The following NETO1 variants were observed in gnomAD, a reference collection of about 807,000 sequenced individuals.
NETO1 encodes the protein neuropilin and tolloid-like protein 1.
Under a neutral mutation model 61.3 loss-of-function variants are expected in NETO1, and 26 were observed. That is an observed-to-expected ratio of 0.42 (90% CI 0.31 to 0.59). The LOEUF is 0.59. NETO1 is among the 20% of genes least tolerant of loss of function. NETO1 has a pLI of 0.12. For synonymous variants in NETO1, 225 were observed against 225.8 expected (o/e 1.00, Z 0.03); for missense variants, 531 against 662.8 (o/e 0.80, Z 2.18).
intron 7 of NETO1, among the ~76,000 whole-genome samples, chr18:72,762,762 T>G (rs9636082): frequency 0.3 from 45,186 of 151,998 alleles, 7,886 homozygotes; most frequent in South Asian, 0.41. Flanking sequence ...AGCTTTTGAC[T>G]CCCTCATGGG....
At position 72,750,414 on chromosome 18, in the gene NETO1, T is replaced by C. The variant is rs199558464; in HGVS notation, c.1189A>G (p.Thr397Ala). ...VFEPPHYELC[T>A]LRGTGATADF... ...GCTGTAGCTCCTGTCCCTCTGAGAG[T>C]GCATAACTCATAATGAGGAGGTTCA... Residue 397 changes from threonine to alanine, a missense_variant, in exon 9 of 11, where the codon ACT becomes GCT. By Grantham distance (58) the Thr-to-Ala change is moderately conservative. Coordinates refer to ENST00000327305, the MANE Select transcript of NETO1 (RefSeq NM_138966.5). 28 of 1,613,928 alleles carry C rather than the reference T, an allele frequency of 1.7e-5. No homozygotes were observed. The highest frequency in any genetic ancestry group is 5.9e-6 in the Non-Finnish European group (7 of 1,179,994).
chr18:72,750,232 C>T lies in NETO1; in HGVS notation c.1371G>A (p.Glu457=), dbSNP rs759617865. 11 of 1,613,936 alleles carry T rather than the reference C, an allele frequency of 6.8e-6. No homozygotes were observed. The highest frequency in any genetic ancestry group is 1.7e-5 in the Admixed American group (1 of 59,972). The change falls in exon 9 of 11, where the codon GAG becomes GAA. Residue 457 remains glutamate, a synonymous_variant. Transcript: ENST00000327305. ...LSTRDASILT[E]MPTQPGKPLI... is the part of the protein sequence containing the mutation. ...GGGGTTTTCCTGGCTGTGTGGGCAT[C>T]TCTGTCAAGATAGAAGCATCTCTTG...
rs1468184280 is a variant in NETO1, at chr18:72,830,622, G to C, written c.469+28204C>G. ...TGTGGAGGTAGGATGTGGTGGGGAG[G>C]GGATGGATTTCTCCAGGTTACAGGC... On this transcript the variant is annotated intron_variant, in intron 4 of 10. Coordinates refer to ENST00000327305, the MANE Select transcript of NETO1 (RefSeq NM_138966.5). This position sits in a 1 kb window ranked among gnomAD's most constrained non-coding sequence, Gnocchi z 4.9. 6.6e-6 allele frequency among the ~76,000 whole-genome samples: 1 copy of C among 152,108 alleles called. No homozygotes were observed. Among genetic ancestry groups the C allele is most frequent in the Admixed American group, 6.5e-5 (1 of 15,268 alleles).
intron 7 of NETO1, among the ~76,000 whole-genome samples, chr18:72,759,019 C>G (rs1407834601): frequency 6.6e-6 from 1 of 152,148 alleles, no homozygotes; most frequent in Non-Finnish European, 1.5e-5. Flanking sequence ...CAATGATGCA[C>G]TAAAGACTCT....
At chr18:72,799,517 C>T (rs530447347) in intron 4 of NETO1, among the ~76,000 whole-genome samples, 1 of 152,292 alleles carries the variant, frequency 6.6e-6, no homozygotes, top group South Asian at 2.1e-4. Flanking sequence ...CATGACTGGA[C>T]GGCTTTCTTG....
chr18:72,849,071 T>G (rs1175955299), intron 4 of NETO1, among the ~76,000 whole-genome samples: 1 of 152,252 alleles, frequency 6.6e-6, no homozygotes, highest in Non-Finnish European at 1.5e-5. Context: ...TTTGTGAGAC[T>G]GAATTCTCTG....
intron 6 of NETO1, among the ~76,000 whole-genome samples, chr18:72,792,605 A>C (rs2072160677): frequency 1.3e-5 from 2 of 151,432 alleles, no homozygotes; most frequent in Non-Finnish European, 2.9e-5. Context: ...TTCTGCTTGC[A>C]GTGTTGACTC....
In NETO1 at chr18:72,867,255, G is replaced by A. The variant is rs759842013; in HGVS notation, c.28+9C>T. Reference sequence around the variant, plus strand: ...GGGAGCGCACGGGCGCGGCGGGGAGGGTACTCACTGTGAAGCACGCTGCGC... The same window carrying A: ...GGGAGCGCACGGGCGCGGCGGGGAGAGTACTCACTGTGAAGCACGCTGCGC... On this transcript the variant is annotated intron_variant, in intron 1 of 10. Coordinates refer to ENST00000327305, the MANE Select transcript of NETO1 (RefSeq NM_138966.5). 1.6e-5 allele frequency: 25 copies of A among 1,550,398 alleles called. No homozygotes were observed. The Admixed American group carries it at 3.4e-4, about 21-fold the overall frequency.
intron 4 of NETO1, among the ~76,000 whole-genome samples, chr18:72,836,790 G>A (rs1192662275): frequency 4.6e-5 from 7 of 152,174 alleles, no homozygotes; most frequent in Non-Finnish European, 8.8e-5. Context: ...TTAATCCGGG[G>A]ATGGATACAA....
At chr18:72,772,593 CA>C (rs2071386779) in intron 7 of NETO1, among the ~76,000 whole-genome samples, 1 of 151,574 alleles carries the variant, frequency 6.6e-6, no homozygotes, top group Non-Finnish European at 1.5e-5. Context: ...GTAATGAATT[CA>C]TAACAGTTCT....
At chr18:72,753,034 C>T (rs1239618170) in intron 8 of NETO1, among the ~76,000 whole-genome samples, 1 of 151,792 alleles carries the variant, frequency 6.6e-6, no homozygotes, top group African/African-American at 2.4e-5. Context: ...AATCAACAAG[C>T]ACACTAACAT....
chr18:72,859,211 C>A, intron 3 of NETO1, 137 bp from the exon 4 acceptor site: 1 of 839,056 alleles, frequency 1.2e-6, no homozygotes, highest in Non-Finnish European at 1.8e-6. Flanking sequence ...ATAAAGAAAG[C>A]ATATGATACT....
rs940514826 is a variant in NETO1, at chr18:72,753,270, A to AT, written c.983-2651_983-2650insA. Among the ~76,000 whole-genome samples, 250 of 152,152 alleles carry AT rather than the reference A, an allele frequency of 1.6e-3. 1 individual carries two copies. Among genetic ancestry groups the AT allele is most frequent in the African/African-American group, 5.7e-3 (236 of 41,550 alleles). ...ACACCTTGAAAGCAACAGAGGAAAA[A>AT]AAAAACTCATCATAGAAAGGAGCCT... On this transcript the variant is annotated intron_variant, in intron 8 of 10. Transcript: ENST00000327305.
At chr18:72,844,287 T>C (rs1415573024) in intron 4 of NETO1, among the ~76,000 whole-genome samples, 1 of 152,220 alleles carries the variant, frequency 6.6e-6, no homozygotes, top group Non-Finnish European at 1.5e-5. Flanking sequence ...AGATTGCTTC[T>C]AACACTTTCT....
rs759491956 is a variant in NETO1 at position 72,858,935 on chromosome 18, T to C, written c.360A>G (p.Gln120=). 3 of 1,613,862 alleles carry C rather than the reference T, an allele frequency of 1.9e-6. No individual in the cohort carries two copies. Among genetic ancestry groups the C allele is most frequent in the African/African-American group, 1.3e-5 (1 of 74,912 alleles). ...TGGATTTTATGACAGGTGGATTTTG[T>C]TGTCCACAGAAACGTCCAATTATTG... ...FSPIIGRFCG[Q]QNPPVIKSSG... The change falls in exon 4 of 11, where the codon CAA becomes CAG. Residue 120 remains glutamine, a synonymous_variant. Transcript: ENST00000327305.
rs79803324 is a variant in NETO1 at position 72,812,195 on chromosome 18, A to G, written c.470-17791T>C. On this transcript the variant is annotated intron_variant, in intron 4 of 10. Coordinates refer to ENST00000327305, the MANE Select transcript of NETO1 (RefSeq NM_138966.5). ...AGGCAGGAGAAAACGGAAGTTCACG[A>G]AAGATTATAAAGTGACTCAAAGGCA... Among the ~76,000 whole-genome samples the G allele has an allele frequency of 8.4e-3, 1,275 of 152,352 alleles. 31 individuals carry two copies. The East Asian group carries it at 0.091, about 11-fold the overall frequency.
chr18:72,779,226 T>C (rs576911147), intron 7 of NETO1, among the ~76,000 whole-genome samples: 1 of 151,942 alleles, frequency 6.6e-6, no homozygotes, highest in East Asian at 1.9e-4. Flanking sequence ...TATATATACA[T>C]CTATAAGGCA....
intron 1 of NETO1, chr18:72,867,039 C>G (rs954929586): frequency 6.4e-6 from 3 of 467,836 alleles, no homozygotes; most frequent in Non-Finnish European, 1.1e-5. Context: ...ACTGAAAGAC[C>G]GTTCTCCGGC....
intron 4 of NETO1, chr18:72,834,836 A>T: frequency 1.0e-6 from 1 of 982,496 alleles, no homozygotes; most frequent in Non-Finnish European, 1.2e-6. Flanking sequence ...TTTTGGGGAG[A>T]GTGGAGACTA....
Sources: gnomAD v4.1 joint callset for allele counts (sites outside exome capture counted in the v4.1 genomes callset) on GRCh38, gnomAD v4.1.1 for gene constraint, Gnocchi (gnomAD v3.1) non-coding constraint, MANE v1.5 for transcripts, NCBI Gene and HGNC (gene_info 2026-07-23, HGNC 2026-07-21) for gene names.